Variants in HOMER2 observed in about 807,000 individuals in gnomAD.
The protein encoded by HOMER2 is homer protein homolog 2.
A neutral mutation model predicts 47.0 loss-of-function variants in HOMER2; 27 were observed. The observed-to-expected ratio is 0.57, with a 90% CI of 0.42 to 0.79. HOMER2 has a LOEUF of 0.79. HOMER2 is among the 30% of genes least tolerant of loss of function. The pLI is 0.00. For synonymous variants in HOMER2, 161 were observed against 163.8 expected (o/e 0.98, Z 0.13); for missense variants, 443 against 435.0 (o/e 1.02, Z -0.16).
At chr15:82,896,494 G>A (rs553998206) in intron 1 of HOMER2, among the ~76,000 whole-genome samples, 1 of 152,182 alleles carries the variant, frequency 6.6e-6, no homozygotes, top group African/African-American at 2.4e-5. Context: ...GAAATGCAAC[G>A]ATGTTGGAAG....
At chr15:82,956,217 G>T (rs2054586043), upstream of HOMER2, among the ~76,000 whole-genome samples, 1 of 149,046 alleles carries the variant, frequency 6.7e-6, no homozygotes, top group Admixed American at 6.8e-5. Context: ...TCCAGCCTGG[G>T]TGACAGATTG....
chr15:82,950,883 A>G (rs977904919), intron 1 of HOMER2, among the ~76,000 whole-genome samples: 57 of 152,248 alleles, frequency 3.7e-4, no homozygotes, highest in East Asian at 3.9e-4. Flanking sequence ...TCAACCACAG[A>G]GTTTCAGTAC....
At chr15:82,895,082 C>A (rs2052863605) in intron 1 of HOMER2, among the ~76,000 whole-genome samples, 1 of 152,242 alleles carries the variant, frequency 6.6e-6, no homozygotes, top group Non-Finnish European at 1.5e-5. Flanking sequence ...ATGCCTGTTT[C>A]TCCTCAGGCA....
chr15:82,911,813 T>A (rs1382277767), intron 1 of HOMER2, among the ~76,000 whole-genome samples: 2 of 152,170 alleles, frequency 1.3e-5, no homozygotes, highest in African/African-American at 2.4e-5. Context: ...GGACCTCACC[T>A]GAGGTCAGGA....
At chr15:82,894,585 G>A (rs576207276) in intron 1 of HOMER2, among the ~76,000 whole-genome samples, 1 of 151,294 alleles carries the variant, frequency 6.6e-6, no homozygotes, top group African/African-American at 2.4e-5. Flanking sequence ...GCAGAAGAAT[G>A]GCGTGAACCC....
intron 1 of HOMER2, among the ~76,000 whole-genome samples, chr15:82,951,754 C>G (rs1036409612): frequency 6.6e-6 from 1 of 152,252 alleles, no homozygotes; most frequent in Non-Finnish European, 1.5e-5. Flanking sequence ...GTTTCCTCAT[C>G]TGTAAAGTGG....
chr15:82,855,386 A>G (rs951604921), intron 5 of HOMER2, among the ~76,000 whole-genome samples: 4 of 151,132 alleles, frequency 2.6e-5, no homozygotes, highest in African/African-American at 9.7e-5. Flanking sequence ...AGACAAAGCT[A>G]GGCATGAGGG....
chr15:82,895,440 C>G (rs532247064), intron 1 of HOMER2, among the ~76,000 whole-genome samples: 183 of 152,322 alleles, frequency 1.2e-3, no homozygotes, highest in Non-Finnish European at 2.2e-3. Context: ...GTGATATAAT[C>G]CAGTCTGCAG....
chr15:82,882,362 G>A (rs2052547780), intron 2 of HOMER2, among the ~76,000 whole-genome samples: 1 of 152,150 alleles, frequency 6.6e-6, no homozygotes, highest in Admixed American at 6.5e-5. Flanking sequence ...GCCCACCCTG[G>A]CTTGGTGCTA....
intron 1 of HOMER2, among the ~76,000 whole-genome samples, chr15:82,925,650 C>A (rs2053836574): frequency 6.6e-6 from 1 of 152,250 alleles, no homozygotes; most frequent in Non-Finnish European, 1.5e-5. Flanking sequence ...CTCCTCTAGC[C>A]CAACCCACCA....
upstream of HOMER2, among the ~76,000 whole-genome samples, chr15:82,957,242 G>A (rs1264319073): frequency 6.7e-6 from 1 of 150,042 alleles, no homozygotes; most frequent in African/African-American, 2.5e-5. Context: ...CTGTGTCACT[G>A]CACTCTAGCA....
chr15:82,932,120 T>C (rs1324268283), intron 1 of HOMER2, among the ~76,000 whole-genome samples: 1 of 152,054 alleles, frequency 6.6e-6, no homozygotes, highest in African/African-American at 2.4e-5. Flanking sequence ...TCCATCCATA[T>C]TATGGAAGAC....
intron 1 of HOMER2, among the ~76,000 whole-genome samples, chr15:82,981,254 G>A (rs1431645258): frequency 6.6e-6 from 1 of 152,166 alleles, no homozygotes; most frequent in Non-Finnish European, 1.5e-5. Context: ...CTCAGCTTTA[G>A]TCTTTAAAGT....
intron 1 of HOMER2, among the ~76,000 whole-genome samples, chr15:82,950,465 A>G (rs1356057821): frequency 1.3e-5 from 2 of 152,010 alleles, no homozygotes; most frequent in South Asian, 4.2e-4. Flanking sequence ...GCCCTTTCAA[A>G]AAGTTCTTCC....
chr15:82,889,470 G>A (rs1245974651), intron 2 of HOMER2, among the ~76,000 whole-genome samples: 4 of 152,204 alleles, frequency 2.6e-5, no homozygotes, highest in African/African-American at 9.6e-5. Flanking sequence ...AGAGATGGGG[G>A]TGAGGGTGGG....
intron 1 of HOMER2, among the ~76,000 whole-genome samples, chr15:82,932,832 C>G (rs2054046356): frequency 6.6e-6 from 1 of 152,148 alleles, no homozygotes; most frequent in Non-Finnish European, 1.5e-5. Flanking sequence ...CCTTCTCCTC[C>G]TGCCTCCTGC....
chr15:82,866,953 T>A (rs2051988561), intron 3 of HOMER2, among the ~76,000 whole-genome samples: 1 of 152,106 alleles, frequency 6.6e-6, no homozygotes, highest in African/African-American at 2.4e-5. Flanking sequence ...TTTTTAAAGG[T>A]GTGGTATTAG....
chr15:82,853,390 A>G (rs546527863), intron 6 of HOMER2, among the ~76,000 whole-genome samples: 52 of 152,368 alleles, frequency 3.4e-4, no homozygotes, highest in Non-Finnish European at 6.6e-4. Flanking sequence ...GGGAACGTGC[A>G]AAGTCAGCAA....
intron 6 of HOMER2, 63 bp downstream of exon 6, chr15:82,854,581 T>C: frequency 2.0e-6 from 3 of 1,510,658 alleles, no homozygotes; most frequent in Admixed American, 1.9e-5. Context: ...GGGTTGTGGG[T>C]GCCCCCATCT....
Sources: gnomAD v4.1 joint callset for allele counts (sites outside exome capture counted in the v4.1 genomes callset) on GRCh38, gnomAD v4.1.1 for gene constraint, MANE v1.5 for transcripts, NCBI Gene and HGNC (gene_info 2026-07-23, HGNC 2026-07-21) for gene names.